AJAP1: variants seen among roughly 807,000 people sequenced by gnomAD.
AJAP1 encodes adherens junctions associated protein 1, also known as adherens junction-associated protein 1.
A neutral mutation model predicts 35.0 loss-of-function variants in AJAP1; 5 were observed. That is an observed-to-expected ratio of 0.14 (90% CI 0.07 to 0.30). The LOEUF is 0.30. Ranked by LOEUF, AJAP1 falls within the 10% of genes least tolerant of loss-of-function variation. The pLI is 1.00. For missense variants in AJAP1, 586 were observed against 571.0 expected (o/e 1.03, Z -0.27); for synonymous variants, 284 against 249.3 (o/e 1.14, Z -1.31).
At chr1:4,670,553 G>A (rs1639229214) in intron 1 of AJAP1, among the ~76,000 whole-genome samples, 1 of 152,176 alleles carries the variant, frequency 6.6e-6, no homozygotes, top group African/African-American at 2.4e-5. Context: ...CCTGGTTTGT[G>A]AGCCTGTTAC....
At chr1:4,677,966 G>T (rs1458856688) in intron 1 of AJAP1, among the ~76,000 whole-genome samples, 1 of 152,196 alleles carries the variant, frequency 6.6e-6, no homozygotes, top group Non-Finnish European at 1.5e-5. Context: ...ATTTCCTGGT[G>T]GCTCGTAGAG....
chr1:4,689,500 A>G (rs1042880649), intron 1 of AJAP1, among the ~76,000 whole-genome samples: 1 of 152,124 alleles, frequency 6.6e-6, no homozygotes, highest in Non-Finnish European at 1.5e-5. Flanking sequence ...GAAGCCTCTG[A>G]GCCGATGGCC....
chr1:4,681,723 T>A (rs1639487359), intron 1 of AJAP1, among the ~76,000 whole-genome samples: 1 of 152,042 alleles, frequency 6.6e-6, no homozygotes, highest in Non-Finnish European at 1.5e-5. Context: ...CCTGGATTTG[T>A]CCCCCTCTGC....
Position 4,655,554 on chromosome 1 carries a change from T to G in AJAP1, c.29+100T>G. The G allele has an allele frequency of 4.9e-6, 7 of 1,427,644 alleles. No individual in the cohort carries two copies. In the South Asian group the frequency reaches 8.9e-5, roughly 18 times the overall value. The allele number at this position is 1,427,644 out of a possible 1,614,324, so 88.4% of individuals were successfully genotyped here. ...ATGTTGCAAATCAAGGGACCCCTCT[T>G]CGCTTCCCGCAAGCGGGCAACGGGG... On this transcript the variant is annotated intron_variant, in intron 1 of 5. Transcript: ENST00000378191. This position sits in a 1 kb window ranked among gnomAD's most constrained non-coding sequence, Gnocchi z 6.9.
chr1:4,745,117 A>G (rs1455665401), intron 2 of AJAP1, among the ~76,000 whole-genome samples: 1 of 152,202 alleles, frequency 6.6e-6, no homozygotes, highest in Non-Finnish European at 1.5e-5. Flanking sequence ...CACAGCTAGA[A>G]TTGAAATAAT....
In AJAP1 at chr1:4,668,803, C is replaced by T. The variant is rs137915457; in HGVS notation, c.29+13349C>T. On this transcript the variant is annotated intron_variant, in intron 1 of 5. Coordinates refer to ENST00000378191, the MANE Select transcript of AJAP1 (RefSeq NM_018836.4). ...CCCACGGGGTGGAGCCTTCACTGTC[C>T]AGGCTTTCTTGCCGGGCTCTGCCTG... Among the ~76,000 whole-genome samples the T allele has an allele frequency of 4.1e-3, 624 of 152,328 alleles. 3 individuals carry two copies. Among genetic ancestry groups the T allele is most frequent in the African/African-American group, 0.014 (600 of 41,584 alleles).
chr1:4,717,355 C>G (rs1211726695), intron 2 of AJAP1, among the ~76,000 whole-genome samples: 1 of 152,190 alleles, frequency 6.6e-6, no homozygotes, highest in East Asian at 1.9e-4. Context: ...CCCGCCTGCT[C>G]AGGCCAATCC....
chr1:4,757,544 G>C (rs1641461823), intron 2 of AJAP1, among the ~76,000 whole-genome samples: 1 of 152,214 alleles, frequency 6.6e-6, no homozygotes, highest in Non-Finnish European at 1.5e-5. Flanking sequence ...TGGCTGGAGG[G>C]GGTGAGGATT....
intron 1 of AJAP1, among the ~76,000 whole-genome samples, chr1:4,709,277 G>T (rs1173314384): frequency 1.3e-5 from 2 of 151,422 alleles, no homozygotes; most frequent in African/African-American, 2.4e-5. Flanking sequence ...GGCCGGTGGG[G>T]CCTGGTGGAG....
At chr1:4,781,548 C>T (rs753273443) in intron 5 of AJAP1, among the ~76,000 whole-genome samples, 3 of 152,242 alleles carry the variant, frequency 2.0e-5, no homozygotes, top group Non-Finnish European at 2.9e-5. Context: ...TTTGGATCAG[C>T]GGGTACCCCC....
intron 1 of AJAP1, among the ~76,000 whole-genome samples, chr1:4,658,760 T>G (rs554671003): frequency 6.6e-6 from 1 of 152,340 alleles, no homozygotes; most frequent in East Asian, 1.9e-4. Context: ...TTTACTTTGA[T>G]CACCTGCTTC....
chr1:4,757,209 C>A (rs1337322723), intron 2 of AJAP1, among the ~76,000 whole-genome samples: 1 of 152,220 alleles, frequency 6.6e-6, no homozygotes, highest in Non-Finnish European at 1.5e-5. Flanking sequence ...AGCACAGACC[C>A]CTCCCCTTTC....
intron 3 of AJAP1, 134 bp from the exon 4 acceptor site, chr1:4,772,146 G>A (rs377301702): frequency 1.2e-5 from 14 of 1,122,252 alleles, no homozygotes; most frequent in African/African-American, 9.3e-5. Flanking sequence ...TGAAGAGGCT[G>A]GGAATTACCG....
intron 1 of AJAP1, among the ~76,000 whole-genome samples, chr1:4,696,480 C>G (rs987057372): frequency 2.0e-5 from 3 of 152,216 alleles, no homozygotes; most frequent in African/African-American, 7.2e-5. Context: ...AATTACCCAA[C>G]CTACAGTGCT....
At chr1:4,726,962 C>T (rs1420331594) in intron 2 of AJAP1, among the ~76,000 whole-genome samples, 2 of 152,214 alleles carry the variant, frequency 1.3e-5, no homozygotes, top group Non-Finnish European at 2.9e-5. Flanking sequence ...TGTGTCCTCA[C>T]TGTGGCTTCT....
chr1:4,759,686 C>T (rs951383814), intron 2 of AJAP1, among the ~76,000 whole-genome samples: 1 of 152,214 alleles, frequency 6.6e-6, no homozygotes, highest in African/African-American at 2.4e-5. Context: ...GTCACAGCAC[C>T]ATGCCTCCAA....
intron 1 of AJAP1, chr1:4,711,016 C>A (rs2100263575): frequency 6.6e-6 from 1 of 152,390 alleles, no homozygotes; most frequent in South Asian, 2.1e-4. Context: ...GCCCTTTCTG[C>A]AGCCCTCCGG....
At chr1:4,771,276 C>T (rs141935190) in intron 3 of AJAP1, among the ~76,000 whole-genome samples, 2,106 of 152,292 alleles carry the variant, frequency 0.014, 48 homozygotes, top group African/African-American at 0.048. Flanking sequence ...CATTCACCTT[C>T]TGACCTTGGT....
chr1:4,684,857 G>A (rs1049174082), intron 1 of AJAP1, among the ~76,000 whole-genome samples: 2 of 152,118 alleles, frequency 1.3e-5, no homozygotes, highest in Non-Finnish European at 2.9e-5. Flanking sequence ...TCCTCCACCA[G>A]AGCTGTCAAA....
Sources: allele counts gnomAD v4.1 joint callset (sites outside exome capture counted in the v4.1 genomes callset), GRCh38; gene constraint gnomAD v4.1.1; non-coding constraint Gnocchi (gnomAD v3.1); transcripts MANE v1.5; gene names NCBI Gene and HGNC (gene_info 2026-07-23, HGNC 2026-07-21).